The following ATRX variants were observed in gnomAD, a reference collection of about 807,000 sequenced individuals.
The protein encoded by ATRX is ATRX chromatin remodeler, also known as chromatin remodeler ATRX.
Under a neutral mutation model 172.6 loss-of-function variants are expected in ATRX, and 12 were observed. The observed-to-expected ratio is 0.07, with a 90% CI of 0.04 to 0.11. The LOEUF (loss-of-function observed/expected upper bound fraction) is 0.11, where lower values mean the gene tolerates loss of function less well. Ranked by LOEUF, ATRX falls within the 10% of genes least tolerant of loss-of-function variation. The probability of loss-of-function intolerance (pLI) is 1.00; values close to 1 mark genes in which losing one functional copy is unlikely to be tolerated. For missense variants in ATRX, 1,368 were observed against 1,767.4 expected (o/e 0.77, Z 4.05); for synonymous variants, 674 against 594.7 (o/e 1.13, Z -1.94).
At chrX:77,513,725 C>A (rs1181059493) in intron 34 of ATRX, among the ~76,000 whole-genome samples, 1 of 111,372 alleles carries the variant, frequency 9.0e-6, no homozygotes, top group African/African-American at 3.3e-5. Context: ...TATCACCACT[C>A]CTATTCAACA....
At position 77,717,001 on chromosome X, in the gene ATRX, C is replaced by A. The variant is rs781876737; in HGVS notation, c.133+130G>T. 1.9e-3 allele frequency: 996 copies of A among 533,614 alleles called. 2 individuals are homozygous for A. The highest frequency in any genetic ancestry group is 8.4e-3 in the Middle Eastern group (16 of 1,905). 44.0% of individuals were successfully genotyped at this position (533,614 alleles called of 1,213,427 possible). ...AGGGGCTTCTATAAAGCTTGCTAAT[C>A]TGTCATTTTCCACAAACTGAAATCT... On this transcript the variant is annotated intron_variant, in intron 2 of 34. Coordinates refer to ENST00000373344, the MANE Select transcript of ATRX (RefSeq NM_000489.6).
intron 16 of ATRX, 58 bp downstream of exon 16, chrX:77,635,857 A>C (rs1370056599): frequency 9.1e-7 from 1 of 1,104,073 alleles, no homozygotes; most frequent in Non-Finnish European, 1.2e-6. Context: ...GCTGCCTCAC[A>C]CCCAAATATT....
chrX:77,511,359 C>T (rs1259317930), intron 34 of ATRX, among the ~76,000 whole-genome samples: 2 of 111,288 alleles, frequency 1.8e-5, no homozygotes, highest in African/African-American at 6.5e-5. Context: ...CAAGGCTAGA[C>T]TACAAAGATT....
chrX:77,656,681 A>C, intron 12 of ATRX, 28 bp from the exon 13 acceptor site: 1 of 1,093,363 alleles, frequency 9.1e-7, no homozygotes, highest in Non-Finnish European at 1.2e-6. Flanking sequence ...ACATAAAATT[A>C]TTAATTATTT....
chrX:77,712,455 G>A (rs782408510), intron 2 of ATRX, among the ~76,000 whole-genome samples: 2 of 112,433 alleles, frequency 1.8e-5, no homozygotes, highest in African/African-American at 3.2e-5. Flanking sequence ...CTATAGTTAC[G>A]TTTCTTTAAT....
At position 77,696,664 on chromosome X, in the gene ATRX, C is replaced by T; in HGVS notation, c.283G>A (p.Glu95Lys). 1 of 1,198,562 alleles carries T rather than the reference C, an allele frequency of 8.3e-7. No individual in the cohort carries two copies. Among genetic ancestry groups the T allele is most frequent in the Non-Finnish European group, 1.1e-6 (1 of 884,271 alleles). ...IVTKYVESDD[E>K]KPLDDETVNE... ...ACAGTTTCATCATCCAAAGGTTTTTCATCATCTGATTCTACATACTTTGTT... is the reference window on the plus strand; with the variant it reads ...ACAGTTTCATCATCCAAAGGTTTTTTATCATCTGATTCTACATACTTTGTT... The change falls in exon 5 of 35, where the codon GAA becomes AAA. Residue 95 changes from glutamate to lysine, a missense_variant. Transcript: ENST00000373344.
In ATRX at chrX:77,786,085, A is replaced by C; in HGVS notation, c.-84T>G. ...CCGCGCCCGGTTACGATAGAAATGCACTGGAGTCTTAGTCGTCACTGTAGC... is the reference window on the plus strand; with the variant it reads ...CCGCGCCCGGTTACGATAGAAATGCCCTGGAGTCTTAGTCGTCACTGTAGC... On this transcript the variant is annotated 5_prime_UTR_variant, in exon 1 of 35. Transcript: ENST00000373344. 2 of 1,072,729 alleles carry C rather than the reference A, an allele frequency of 1.9e-6. No homozygotes were observed. Among genetic ancestry groups the C allele is most frequent in the Non-Finnish European group, 2.5e-6 (2 of 791,035 alleles). The allele number at this position is 1,072,729 out of a possible 1,213,427, so 88.4% of individuals were successfully genotyped here.
chrX:77,589,751 G>T, intron 27 of ATRX, 83 bp downstream of exon 27: 1 of 909,146 alleles, frequency 1.1e-6, no homozygotes, highest in Non-Finnish European at 1.5e-6. Context: ...GGGTAGTTTT[G>T]TTTCTTTTGT....
chrX:77,781,883 T>C (rs1178343309), intron 1 of ATRX, among the ~76,000 whole-genome samples: 1 of 112,240 alleles, frequency 8.9e-6, no homozygotes, highest in African/African-American at 3.2e-5. Flanking sequence ...CATAAGTTTA[T>C]TCAGACCCCA....
intron 1 of ATRX, among the ~76,000 whole-genome samples, chrX:77,776,897 T>G (rs976767681): frequency 4.5e-5 from 5 of 111,299 alleles, no homozygotes; most frequent in Admixed American, 9.7e-5. Flanking sequence ...GGGTGTAGTA[T>G]CCTGCATTCA....
At chrX:77,604,898 A>G (rs958227067) in intron 22 of ATRX, among the ~76,000 whole-genome samples, 1 of 112,320 alleles carries the variant, frequency 8.9e-6, no homozygotes, top group Admixed American at 9.4e-5. Context: ...CAATTGAGAC[A>G]CAGAAAGATA....
intron 1 of ATRX, among the ~76,000 whole-genome samples, chrX:77,757,139 T>G (rs782515974): frequency 9.0e-6 from 1 of 111,560 alleles, no homozygotes; most frequent in East Asian, 2.8e-4. Context: ...TTTTATGAAA[T>G]CCATACTCTT....
Position 77,593,858 on chromosome X carries a change from G to C in ATRX, c.5957-9C>G, listed in dbSNP as rs375791318. ...AGAAGAAGTAGCTTTACCTAAATAA[G>C]ACAAATGGAACATAAGTAGGTAAAT... On this transcript the variant is annotated splice_polypyrimidine_tract_variant and intron_variant, in intron 25 of 34. Transcript: ENST00000373344. 80 of 1,198,407 alleles carry C rather than the reference G, an allele frequency of 6.7e-5. No individual in the cohort carries two copies. Among genetic ancestry groups the C allele is most frequent in the Non-Finnish European group, 8.9e-5 (79 of 886,078 alleles).
intron 1 of ATRX, among the ~76,000 whole-genome samples, chrX:77,720,153 C>T (rs1413599557): frequency 8.9e-6 from 1 of 111,747 alleles, no homozygotes; most frequent in Non-Finnish European, 1.9e-5. Flanking sequence ...GACAACATAC[C>T]AGAATTTCTG....
intron 1 of ATRX, among the ~76,000 whole-genome samples, chrX:77,776,330 A>G (rs1333307169): frequency 1.8e-5 from 2 of 109,342 alleles, no homozygotes; most frequent in East Asian, 7.3e-4. Context: ...TATTTGAGTA[A>G]CAATAAAGAC....
chrX:77,628,289 C>A (rs2067962222), intron 19 of ATRX, among the ~76,000 whole-genome samples: 1 of 112,860 alleles, frequency 8.9e-6, no homozygotes. Context: ...TCTCAAGCTA[C>A]AAAATGTGGA....
At chrX:77,624,345 C>T (rs1602918697) in intron 19 of ATRX, among the ~76,000 whole-genome samples, 1 of 109,622 alleles carries the variant, frequency 9.1e-6, no homozygotes, top group South Asian at 3.9e-4. Context: ...CCAGCCTGGG[C>T]GACAGAGCGA....
Position 77,681,737 on chromosome X carries a change from T to C in ATRX, c.3519A>G (p.Ser1173=), listed in dbSNP as rs782202719. The part of the protein sequence containing the change: ...EDNKKKKQRT[S]SKKKAVIVKE... The stretch of plus-strand genomic sequence containing the variant: ...TGACAATGACTGCCTTCTTTTTAGA[T>C]GAAGTTCTTTGCTTCTTCTTTTTAT... Residue 1173 remains serine (S), a synonymous_variant, in exon 9 of 35, where the codon TCA becomes TCG. Transcript: ENST00000373344. 3 of 1,204,674 alleles carry C rather than the reference T, an allele frequency of 2.5e-6. No homozygotes were observed. Among genetic ancestry groups the C allele is most frequent in the Non-Finnish European group, 3.4e-6 (3 of 893,465 alleles).
chrX:77,769,948 G>C (rs2076100602), intron 1 of ATRX, among the ~76,000 whole-genome samples: 1 of 109,631 alleles, frequency 9.1e-6, no homozygotes, highest in Non-Finnish European at 1.9e-5. Flanking sequence ...AATACAAAAA[G>C]CAGCCGGGTG....
Sources: allele counts gnomAD v4.1 joint callset (sites outside exome capture counted in the v4.1 genomes callset), GRCh38; gene constraint gnomAD v4.1.1; transcripts MANE v1.5; gene names NCBI Gene and HGNC (gene_info 2026-07-23, HGNC 2026-07-21).